The following CDSN variants were observed in gnomAD, a reference collection of about 807,000 sequenced individuals.
CDSN encodes corneodesmosin, also known as S protein.
In CDSN, 11 loss-of-function variants were observed where a neutral mutation model predicts 25.6. That is an observed-to-expected ratio of 0.43 (90% CI 0.27 to 0.71). CDSN has a LOEUF of 0.71. CDSN is among the 30% of genes least tolerant of loss of function. The pLI is 0.20. For missense variants in CDSN, 598 were observed against 670.9 expected, an observed-to-expected ratio of 0.89 and a Z score of 1.20; for synonymous variants, 266 against 267.4, an observed-to-expected ratio of 0.99 and a Z score of 0.05.
rs1236022436 is a variant in CDSN at position 31,119,931 on chromosome 6, C to T, written c.85+404G>A. On this transcript the variant is annotated intron_variant, in intron 1 of 1. Coordinates refer to ENST00000376288, the MANE Select transcript of CDSN (RefSeq NM_001264.5). Reference sequence around the variant, plus strand: ...ACAAAAAAAAATAAAAATAAAAGTTCTAATATATAATCCAAATGTGCTTAA... The same window carrying T: ...ACAAAAAAAAATAAAAATAAAAGTTTTAATATATAATCCAAATGTGCTTAA... Among the ~76,000 whole-genome samples the T allele has an allele frequency of 2.6e-5, 4 of 151,862 alleles. No individual in the cohort carries two copies. The East Asian group carries it at 7.7e-4, about 29-fold the overall frequency.
At position 31,117,605 on chromosome 6, in the gene CDSN, C is replaced by A. The variant is rs3094214; in HGVS notation, c.86-76G>T. ...CCTCACCTTTCTGCCTTATCTCAGT[C>A]ATCGGCCTCTCGGGTTTCTCCCAAG... On this transcript the variant is annotated intron_variant, in intron 1 of 1. Transcript: ENST00000376288. The A allele has an allele frequency of 0.52, 668,524 of 1,290,812 alleles. 178,217 individuals are homozygous for A. The highest frequency in any genetic ancestry group is 0.68 in the East Asian group (27,038 of 39,624). The allele number at this position is 1,290,812 out of a possible 1,614,324, so 80.0% of individuals were successfully genotyped here. A position where few individuals can be genotyped will look rare whatever the true frequency, so the allele number is the denominator to read the frequency against.
Position 31,117,289 on chromosome 6 carries a change from C to T in CDSN, c.326G>A (p.Gly109Glu). 1 of 1,597,336 alleles carries T rather than the reference C, an allele frequency of 6.3e-7. No individual in the cohort carries two copies. The highest frequency in any genetic ancestry group is 8.5e-7 in the Non-Finnish European group (1 of 1,171,048). ...GTAGCTGACCTGGGAATACCCCGTT[C>T]CTGGCTTAAAAGATCCTGCAGAACC... is the stretch of plus-strand genomic sequence containing the variant. ...QGGSAGSFKP[G>E]TGYSQVSYSS... Residue 109 changes from glycine (G) to glutamate (E), a missense_variant, in exon 2 of 2, where the codon GGA (glycine) becomes GAA (glutamate). Physicochemically the swap from Gly to Glu is moderately conservative, Grantham distance 98 (BLOSUM62 -2). Coordinates refer to ENST00000376288, the MANE Select transcript of CDSN (RefSeq NM_001264.5).
chr6:31,118,734 G>A (rs1436824952), intron 1 of CDSN: 1 of 151,660 alleles, frequency 6.6e-6, no homozygotes, highest in Non-Finnish European at 1.5e-5. Flanking sequence ...GAACCTCTCT[G>A]AGCTTTAGTT....
rs754976148 is a variant in CDSN, at chr6:31,117,336, G to A, written c.279C>T (p.Ser93=). The part of the protein sequence containing the change: ...SSGGGSSGSS[S]GSSIAQGGSA... ...AACCACCCTGGGCAATGCTGGATCCGCTGGAGCTACCACTGGAGCCACCAC... is the reference window on the plus strand; with the variant it reads ...AACCACCCTGGGCAATGCTGGATCCACTGGAGCTACCACTGGAGCCACCAC... Residue 93 remains serine (S), a synonymous_variant, in exon 2 of 2, where the codon AGC becomes AGT. Coordinates refer to ENST00000376288, the MANE Select transcript of CDSN (RefSeq NM_001264.5). 8 of 1,577,436 alleles carry A rather than the reference G, an allele frequency of 5.1e-6. No homozygotes were observed. The highest frequency in any genetic ancestry group is 2.3e-5 in the East Asian group (1 of 43,384).
At chr6:31,120,092 A>G (rs1772374084) in intron 1 of CDSN, among the ~76,000 whole-genome samples, 1 of 152,140 alleles carries the variant, frequency 6.6e-6, no homozygotes, top group Non-Finnish European at 1.5e-5. Context: ...CAAAGTACAT[A>G]TCACATACAT....
intron 1 of CDSN, 106 bp from the exon 2 acceptor site, chr6:31,117,635 G>A (rs1183822996): frequency 2.1e-6 from 2 of 944,798 alleles, no homozygotes; most frequent in African/African-American, 1.6e-5. Flanking sequence ...CCCAAGCAGA[G>A]CGCAGGGAGA....
chr6:31,120,266 C>T (rs953785193), intron 1 of CDSN, 69 bp downstream of exon 1: 4 of 1,262,184 alleles, frequency 3.2e-6, no homozygotes, highest in Admixed American at 2.0e-5. Flanking sequence ...TGCCTGTCCC[C>T]TTCGCTGGGT....
rs3132555 is a variant in CDSN, at chr6:31,115,133, C to G, written c.*892G>C. On this transcript the variant is annotated 3_prime_UTR_variant, in exon 2 of 2. Transcript: ENST00000376288. This position sits in a 1 kb window ranked among gnomAD's most constrained non-coding sequence, Gnocchi z 4.2. ...TTATTGTCTTCCTCCTCTGTGGGAG[C>G]AGCTGGAAGGTAGAAGAGAAACACA... 0.77 allele frequency: 265,301 copies of G among 344,528 alleles called. 103,265 individuals are homozygous for G. The highest frequency in any genetic ancestry group is 0.9 in the African/African-American group (41,701 of 46,458). The allele number at this position is 344,528 out of a possible 1,614,324, so 21.3% of individuals were successfully genotyped here. A position where few individuals can be genotyped will look rare whatever the true frequency, so the allele number is the denominator to read the frequency against.
At position 31,115,948 on chromosome 6, in the gene CDSN, C is replaced by A; in HGVS notation, c.*77G>T. On this transcript the variant is annotated 3_prime_UTR_variant, in exon 2 of 2. Coordinates refer to ENST00000376288, the MANE Select transcript of CDSN (RefSeq NM_001264.5). This position sits in a 1 kb window ranked among gnomAD's most constrained non-coding sequence, Gnocchi z 4.2. ...ACTGAGCTAACCCTATGCCTGGGCACTGGACTTCTCCCATATGGGATATAG... is the reference window on the plus strand; with the variant it reads ...ACTGAGCTAACCCTATGCCTGGGCAATGGACTTCTCCCATATGGGATATAG... 1 of 1,333,688 alleles carries A rather than the reference C, an allele frequency of 7.5e-7. No homozygotes were observed. 82.6% of individuals were successfully genotyped at this position (1,333,688 alleles called of 1,614,324 possible). A position where few individuals can be genotyped will look rare whatever the true frequency, so the allele number is the denominator to read the frequency against.
rs1184393171 is a variant in CDSN at position 31,117,158 on chromosome 6, AGCT to A, written c.454_456del (p.Ser153del). On this transcript the variant is annotated inframe_deletion, in exon 2 of 2. Coordinates refer to ENST00000376288, the MANE Select transcript of CDSN (RefSeq NM_001264.5). The stretch of plus-strand genomic sequence containing the variant: ...AAGCTGCTGCTGCTGCTCGAATGAG[AGCT>A]GCTGCTTCCCGAGTGAGAGCCGCTG... The A allele has an allele frequency of 1.2e-6, 2 of 1,606,218 alleles. No homozygotes were observed. Among genetic ancestry groups the A allele is most frequent in the South Asian group, 2.2e-5 (2 of 90,708 alleles).
chr6:31,116,750 C>T lies in CDSN; in HGVS notation c.865G>A (p.Val289Ile). The change falls in exon 2 of 2, where the codon GTA (valine) becomes ATA (isoleucine). Residue 289 changes from valine to isoleucine, a missense_variant. By Grantham distance (29) the Val-to-Ile change is conservative (BLOSUM62 3). Transcript: ENST00000376288. The stretch of plus-strand genomic sequence containing the variant: ...TCGTAGCCACCATAGGATTTGTCTA[C>T]AGAGGTGATTGGGGGACAGGGCTTG... ...PGKPCPPITS[V>I]DKSYGGYEVV... 1.9e-6 allele frequency: 3 copies of T among 1,613,112 alleles called. No individual in the cohort carries two copies. Among genetic ancestry groups the T allele is most frequent in the Non-Finnish European group, 2.5e-6 (3 of 1,180,034 alleles).
At chr6:31,119,893 G>A (rs1274103392) in intron 1 of CDSN, among the ~76,000 whole-genome samples, 2 of 139,020 alleles carry the variant, frequency 1.4e-5, no homozygotes, top group African/African-American at 5.6e-5. Context: ...GAGACAGAGT[G>A]GGACTCCATC....
Position 31,116,629 on chromosome 6 carries a change from G to T in CDSN, c.986C>A (p.Pro329His). The part of the protein sequence containing the change: ...YPVGYFTKEN[P>H]VKGSPGVPSF... The stretch of plus-strand genomic sequence containing the variant: ...AGGGACCCCTGGAGAGCCTTTCACA[G>T]GGTTCTCTTTGGTGAAGTAGCCCAC... The change falls in exon 2 of 2, where the codon CCT becomes CAT. Residue 329 changes from proline (P) to histidine (H), a missense_variant. Coordinates refer to ENST00000376288, the MANE Select transcript of CDSN (RefSeq NM_001264.5). 6.2e-7 allele frequency: 1 copy of T among 1,613,144 alleles called. No homozygotes were observed. The highest frequency in any genetic ancestry group is 1.1e-5 in the South Asian group (1 of 91,088).
Position 31,115,868 on chromosome 6 carries a change from T to A in CDSN, c.*157A>T. On this transcript the variant is annotated 3_prime_UTR_variant, in exon 2 of 2. Coordinates refer to ENST00000376288, the MANE Select transcript of CDSN (RefSeq NM_001264.5). This position sits in a 1 kb window ranked among gnomAD's most constrained non-coding sequence, Gnocchi z 4.2. ...AGGAGGAAGGGGTGATAAGAGAGAG[T>A]CTGCAACCTTGGGGTAGTGGAGAAA... The A allele has an allele frequency of 1.6e-6, 1 of 635,624 alleles. No homozygotes were observed. Among genetic ancestry groups the A allele is most frequent in the South Asian group, 2.0e-5 (1 of 50,952 alleles). The allele number at this position is 635,624 out of a possible 1,614,324, so 39.4% of individuals were successfully genotyped here. A position where few individuals can be genotyped will look rare whatever the true frequency, so the allele number is the denominator to read the frequency against.
In CDSN at chr6:31,117,210, C is replaced by G. The variant is rs1772197970; in HGVS notation, c.405G>C (p.Gly135=). The change falls in exon 2 of 2, where the codon GGG becomes GGC. Residue 135 remains glycine (G), a synonymous_variant. Transcript: ENST00000376288. ...LQGASGSSQL[G]SSSSHSGNSG... is the part of the protein sequence containing the mutation. ...TGTTTCCCGAGTGAGAGCTGCTGCTCCCCAGCTGGGAGGAACCGGATGCAC... is the reference window on the plus strand; with the variant it reads ...TGTTTCCCGAGTGAGAGCTGCTGCTGCCCAGCTGGGAGGAACCGGATGCAC... 1.2e-6 allele frequency: 2 copies of G among 1,613,768 alleles called. No homozygotes were observed. Among genetic ancestry groups the G allele is most frequent in the Non-Finnish European group, 1.7e-6 (2 of 1,179,920 alleles).
In CDSN at chr6:31,117,199, G is replaced by A; in HGVS notation, c.416C>T (p.Ser139Phe). ...GTGAGAGCCGCTGTTTCCCGAGTGA[G>A]AGCTGCTGCTCCCCAGCTGGGAGGA... Reference protein sequence around the residue: ...SGSSQLGSSSSHSGNSGSHSG... With the variant: ...SGSSQLGSSSFHSGNSGSHSG... The change falls in exon 2 of 2, where the codon TCT becomes TTT. Residue 139 changes from serine to phenylalanine, a missense_variant. By Grantham distance (155) the Ser-to-Phe change is radical. Transcript: ENST00000376288. 2 of 1,613,170 alleles carry A rather than the reference G, an allele frequency of 1.2e-6. No homozygotes were observed. The highest frequency in any genetic ancestry group is 1.7e-6 in the Non-Finnish European group (2 of 1,179,250).
chr6:31,120,117 C>A lies in CDSN; in HGVS notation c.85+218G>T, dbSNP rs1772375317. On this transcript the variant is annotated intron_variant, in intron 1 of 1. Coordinates refer to ENST00000376288, the MANE Select transcript of CDSN (RefSeq NM_001264.5). ...ATCACATACATTATTTAATTTGAGA[C>A]ACACAGACTAGAGTTAGGTGTCATT... 2.0e-5 allele frequency among the ~76,000 whole-genome samples: 3 copies of A among 152,094 alleles called. No homozygotes were observed. In the South Asian group the frequency reaches 6.2e-4, roughly 32 times the overall value.
chr6:31,118,837 C>CTTTTTTTTTTTTTTTTTTTTTTTTTTT lies in CDSN; in HGVS notation c.86-1309_86-1308insAAAAAAAAAAAAAAAAAAAAAAAAAAA, dbSNP rs201665595. The CTTTTTTTTTTTTTTTTTTTTTTTTTTT allele has an allele frequency of 3.2e-5, 3 of 92,490 alleles. 1 individual carries two copies. Among genetic ancestry groups the CTTTTTTTTTTTTTTTTTTTTTTTTTTT allele is most frequent in the Non-Finnish European group, 4.1e-5 (2 of 48,996 alleles). 5.7% of individuals were successfully genotyped at this position (92,490 alleles called of 1,614,324 possible). A position where few individuals can be genotyped will look rare whatever the true frequency, so the allele number is the denominator to read the frequency against. On this transcript the variant is annotated intron_variant, in intron 1 of 1. Transcript: ENST00000376288. ...ATCATCCACCTGGAAGTTTTTTCTT[C>CTTTTTTTTTTTTTTTTTTTTTTTTTTT]TTCTTCTTTTTTTTTTTTTTTTTTG...
chr6:31,116,588 G>A lies in CDSN; in HGVS notation c.1027C>T (p.Pro343Ser), dbSNP rs1401660441. 5.6e-6 allele frequency: 9 copies of A among 1,613,732 alleles called. No homozygotes were observed. The highest frequency in any genetic ancestry group is 6.8e-6 in the Non-Finnish European group (8 of 1,179,978). ...AAGTATTTGCCCTCAGAGATGGGGGGCCCAGCTGCAAAGGAAGGGACCCCT... is the reference window on the plus strand; with the variant it reads ...AAGTATTTGCCCTCAGAGATGGGGGACCCAGCTGCAAAGGAAGGGACCCCT... ...SPGVPSFAAGPPISEGKYFSS... is the reference protein window; with the variant it reads ...SPGVPSFAAGSPISEGKYFSS... Residue 343 changes from proline (P) to serine (S), a missense_variant, in exon 2 of 2, where the codon CCC becomes TCC. Coordinates refer to ENST00000376288, the MANE Select transcript of CDSN (RefSeq NM_001264.5).
Sources: allele counts gnomAD v4.1 joint callset (sites outside exome capture counted in the v4.1 genomes callset), GRCh38; gene constraint gnomAD v4.1.1; non-coding constraint Gnocchi (gnomAD v3.1); transcripts MANE v1.5; gene names NCBI Gene and HGNC (gene_info 2026-07-23, HGNC 2026-07-21).